Variants in ALDH1L2 observed in about 807,000 individuals in gnomAD.
The protein encoded by ALDH1L2 is mitochondrial 10-formyltetrahydrofolate dehydrogenase.
Under a neutral mutation model 111.0 loss-of-function variants are expected in ALDH1L2, and 91 were observed. That is an observed-to-expected ratio of 0.82 (90% CI 0.69 to 0.98). ALDH1L2 has a LOEUF of 0.98. ALDH1L2 is among the 50% of genes least tolerant of loss of function. ALDH1L2 has a pLI of 0.00. For missense variants in ALDH1L2, 995 were observed against 1,126.8 expected, an observed-to-expected ratio of 0.88 and a Z score of 1.67; for synonymous variants, 374 against 392.6, an observed-to-expected ratio of 0.95 and a Z score of 0.56.
chr12:105,071,642 A>ATT lies in ALDH1L2; in HGVS notation c.194-840_194-839dup. Among the ~76,000 whole-genome samples, 75 of 10,856 alleles carry ATT rather than the reference A, an allele frequency of 6.9e-3. 13 individuals are homozygous for ATT. Among genetic ancestry groups the ATT allele is most frequent in the East Asian group, 0.028 (7 of 252 alleles). 7.1% of individuals were successfully genotyped at this position (10,856 alleles called of 152,430 possible). A position where few individuals can be genotyped will look rare whatever the true frequency, so the allele number is the denominator to read the frequency against. On this transcript the variant is annotated intron_variant, in intron 2 of 22. Coordinates refer to ENST00000258494, the MANE Select transcript of ALDH1L2 (RefSeq NM_001034173.4). ...TATATATATATATATATATATATAT[A>ATT]TTTTTTTTTTTTTTTTTTTTTTTTT...
In ALDH1L2 at chr12:105,064,114, C is replaced by CTTTTTTTTTTTTTTTTTTTT. The variant is rs71069786; in HGVS notation, c.787-1112_787-1093dup. Among the ~76,000 whole-genome samples, 9 of 35,124 alleles carry CTTTTTTTTTTTTTTTTTTTT rather than the reference C, an allele frequency of 2.6e-4. 2 individuals carry two copies. Among genetic ancestry groups the CTTTTTTTTTTTTTTTTTTTT allele is most frequent in the African/African-American group, 4.3e-4 (4 of 9,290 alleles). 23.0% of individuals were successfully genotyped at this position (35,124 alleles called of 152,430 possible). A position where few individuals can be genotyped will look rare whatever the true frequency, so the allele number is the denominator to read the frequency against. ...TACAGGCACATGCCACCACACCGAG[C>CTTTTTTTTTTTTTTTTTTTT]TTTTTTTTTTTTTTTTTTTTTTTTT... On this transcript the variant is annotated intron_variant, in intron 6 of 22. Coordinates refer to ENST00000258494, the MANE Select transcript of ALDH1L2 (RefSeq NM_001034173.4).
intron 1 of ALDH1L2, among the ~76,000 whole-genome samples, chr12:105,075,846 T>C (rs1325255628): frequency 6.6e-6 from 1 of 152,108 alleles, no homozygotes; most frequent in Non-Finnish European, 1.5e-5. Context: ...AGTGAAGTGG[T>C]GCAATCTCGG....
intron 11 of ALDH1L2, 148 bp from the exon 12 acceptor site, chr12:105,052,365 G>T: frequency 1.3e-6 from 1 of 792,788 alleles, no homozygotes. Context: ...CTACAGTAAA[G>T]AAAAAGAACA....
intron 1 of ALDH1L2, among the ~76,000 whole-genome samples, chr12:105,081,948 C>T (rs1878354874): frequency 6.6e-6 from 1 of 152,218 alleles, no homozygotes; most frequent in Non-Finnish European, 1.5e-5. Context: ...AATCCCAACA[C>T]TTTAGGAGGC....
intron 5 of ALDH1L2, among the ~76,000 whole-genome samples, 186 bp downstream of exon 5, chr12:105,066,382 C>T (rs569293435): frequency 8.7e-4 from 133 of 152,178 alleles, no homozygotes; most frequent in Non-Finnish European, 9.9e-4. Context: ...AGACACGAGT[C>T]TTCCTAGACT....
Position 105,034,224 on chromosome 12 carries a change from A to T in ALDH1L2, c.2244+76T>A, listed in dbSNP as rs543369635. ...TGTTATCACACCTGAAAATTCATGAACAATCCTAGAAGTAGGATTTTTCAA... is the reference window on the plus strand; with the variant it reads ...TGTTATCACACCTGAAAATTCATGATCAATCCTAGAAGTAGGATTTTTCAA... On this transcript the variant is annotated intron_variant, in intron 19 of 22. Transcript: ENST00000258494. 79 of 1,402,032 alleles carry T rather than the reference A, an allele frequency of 5.6e-5. No individual in the cohort carries two copies. In the East Asian group the frequency reaches 1.7e-3, roughly 31 times the overall value. The allele number at this position is 1,402,032 out of a possible 1,614,324, so 86.8% of individuals were successfully genotyped here. A position where few individuals can be genotyped will look rare whatever the true frequency, so the allele number is the denominator to read the frequency against.
chr12:105,046,239 T>A (rs1459115342), intron 15 of ALDH1L2, among the ~76,000 whole-genome samples: 4 of 126,484 alleles, frequency 3.2e-5, no homozygotes, highest in African/African-American at 1.2e-4. Flanking sequence ...TTTTTTTTTT[T>A]TTTTTTTTTT....
At chr12:105,038,525 G>T (rs193162892) in intron 17 of ALDH1L2, among the ~76,000 whole-genome samples, 50 of 152,136 alleles carry the variant, frequency 3.3e-4, no homozygotes, top group African/African-American at 1.2e-3. Context: ...AAATTAGGTA[G>T]GTATGGTGGT....
chr12:105,067,004 G>A (rs751694619), intron 4 of ALDH1L2, among the ~76,000 whole-genome samples: 7 of 152,000 alleles, frequency 4.6e-5, no homozygotes, highest in Non-Finnish European at 7.4e-5. Flanking sequence ...CAAGGCAGGC[G>A]GATCACGAAG....
chr12:105,076,236 A>G (rs1412469604), intron 1 of ALDH1L2, among the ~76,000 whole-genome samples: 4 of 152,252 alleles, frequency 2.6e-5, no homozygotes, highest in Non-Finnish European at 5.9e-5. Flanking sequence ...ACTCAGAAGT[A>G]CATGGAAGTC....
Position 105,046,149 on chromosome 12 carries a change from TTCTCTCTCTC to T in ALDH1L2, c.1863+551_1863+560del, listed in dbSNP as rs541003101. ...ATGCTTTTCCCTCATCTTCTACATCTTCTCTCTCTCTCTCTCTCTCTCTCTCTCTCTCTCT... is the reference window on the plus strand; with the variant it reads ...ATGCTTTTCCCTCATCTTCTACATCTTCTCTCTCTCTCTCTCTCTCTCTCT... On this transcript the variant is annotated intron_variant, in intron 15 of 22. Transcript: ENST00000258494. Among the ~76,000 whole-genome samples the T allele has an allele frequency of 4.0e-3, 145 of 35,954 alleles. 1 individual carries two copies. The highest frequency in any genetic ancestry group is 0.014 in the African/African-American group (115 of 8,050). 23.6% of individuals were successfully genotyped at this position (35,954 alleles called of 152,430 possible). A position where few individuals can be genotyped will look rare whatever the true frequency, so the allele number is the denominator to read the frequency against.
At chr12:105,032,198 G>A (rs577080746) in intron 19 of ALDH1L2, among the ~76,000 whole-genome samples, 6 of 132,784 alleles carry the variant, frequency 4.5e-5, no homozygotes, top group African/African-American at 1.7e-4. Context: ...TTTTTTTTGA[G>A]GTGGAGTCTT....
At position 105,061,642 on chromosome 12, in the gene ALDH1L2, C is replaced by A; in HGVS notation, c.1032G>T (p.Val344=). Reference sequence around the variant, plus strand: ...ATGTGTTCACCTTGATGGTCTCTGCCACTTTCACCTCTTCAGCTGTCAGTT... The same window carrying A: ...ATGTGTTCACCTTGATGGTCTCTGCAACTTTCACCTCTTCAGCTGTCAGTT... ...VVELTAEEVK[V]AETIKVIWAG... Residue 344 remains valine (V), a synonymous_variant, in exon 8 of 23, where the codon GTG becomes GTT. Coordinates refer to ENST00000258494, the MANE Select transcript of ALDH1L2 (RefSeq NM_001034173.4). 1 of 1,614,122 alleles carries A rather than the reference C, an allele frequency of 6.2e-7. No individual in the cohort carries two copies. The highest frequency in any genetic ancestry group is 1.6e-4 in the Middle Eastern group (1 of 6,062).
intron 2 of ALDH1L2, among the ~76,000 whole-genome samples, chr12:105,072,768 G>C (rs1301450262): frequency 6.6e-6 from 1 of 152,228 alleles, no homozygotes; most frequent in Non-Finnish European, 1.5e-5. Flanking sequence ...GAGAGCAGGA[G>C]TTCAAGACCA....
Position 105,065,321 on chromosome 12 carries a change from G to A in ALDH1L2, c.732C>T (p.Asn244=), listed in dbSNP as rs138824203. 8.1e-6 allele frequency: 13 copies of A among 1,612,046 alleles called. No individual in the cohort carries two copies. The African/African-American group carries it at 1.6e-4, about 20-fold the overall frequency. Reference sequence around the variant, plus strand: ...GGACTTTATCATGACCTCGAATCCAGTTATGTAAAACTTCGGCAGACTGGT... The same window carrying A: ...GGACTTTATCATGACCTCGAATCCAATTATGTAAAACTTCGGCAGACTGGT... The part of the protein sequence containing the change: ...SWDQSAEVLH[N]WIRGHDKVPG... Residue 244 remains asparagine (N), a synonymous_variant, in exon 6 of 23, where the codon AAC becomes AAT. Coordinates refer to ENST00000258494, the MANE Select transcript of ALDH1L2 (RefSeq NM_001034173.4).
At position 105,073,946 on chromosome 12, in the gene ALDH1L2, T is replaced by A. The variant is rs757325908; in HGVS notation, c.108A>T (p.Glu36Asp). 7.4e-6 allele frequency: 12 copies of A among 1,614,220 alleles called. No individual in the cohort carries two copies. Among genetic ancestry groups the A allele is most frequent in the Non-Finnish European group, 1.0e-5 (12 of 1,180,036 alleles). The change falls in exon 2 of 23, where the codon GAA (glutamate) becomes GAT (aspartate). Residue 36 changes from glutamate to aspartate, a missense_variant. Physicochemically the swap from Glu to Asp is conservative, Grantham distance 45. Coordinates refer to ENST00000258494, the MANE Select transcript of ALDH1L2 (RefSeq NM_001034173.4). Reference sequence around the variant, plus strand: ...CCTCTTTGCGGAGGTGGCTATAGACTTCTTGTCCAAAGAGGCTCTGGCCAA... The same window carrying A: ...CCTCTTTGCGGAGGTGGCTATAGACATCTTGTCCAAAGAGGCTCTGGCCAA... Reference protein sequence around the residue: ...ALIGQSLFGQEVYSHLRKEGH... With the variant: ...ALIGQSLFGQDVYSHLRKEGH...
At chr12:105,055,574 G>A (rs1187771058) in intron 10 of ALDH1L2, among the ~76,000 whole-genome samples, 1 of 152,058 alleles carries the variant, frequency 6.6e-6, no homozygotes, top group Non-Finnish European at 1.5e-5. Context: ...AAAAAAAGCA[G>A]CTAATAGAAA....
At position 105,068,877 on chromosome 12, in the gene ALDH1L2, T is replaced by C. The variant is rs1336865917; in HGVS notation, c.436A>G (p.Ile146Val). 2.6e-6 allele frequency: 4 copies of C among 1,562,798 alleles called. No individual in the cohort carries two copies. Among genetic ancestry groups the C allele is most frequent in the Non-Finnish European group, 3.4e-6 (4 of 1,159,986 alleles). ...AACCCAGCTTTCTTATCTCCCATAA[T>C]TAGAGTCCTGTGAAAAGAAGAATTT... ...RGASAINWTL[I>V]MGDKKAGFSV... Residue 146 changes from isoleucine (I) to valine (V), a missense_variant, in exon 4 of 23, where the codon ATT (isoleucine) becomes GTT (valine). Transcript: ENST00000258494.
At position 105,073,957 on chromosome 12, in the gene ALDH1L2, A is replaced by C; in HGVS notation, c.97T>G (p.Phe33Val). ...LKLALIGQSL[F>V]GQEVYSHLRK... ...AGGTGGCTATAGACTTCTTGTCCAAAGAGGCTCTGGCCAATTAGTGCCAAC... is the reference window on the plus strand; with the variant it reads ...AGGTGGCTATAGACTTCTTGTCCAACGAGGCTCTGGCCAATTAGTGCCAAC... The change falls in exon 2 of 23, where the codon TTT becomes GTT. Residue 33 changes from phenylalanine (F) to valine (V), a missense_variant. Phe to Val is a conservative substitution (Grantham distance 50). Transcript: ENST00000258494. The C allele has an allele frequency of 6.2e-7, 1 of 1,614,184 alleles. No homozygotes were observed. The highest frequency in any genetic ancestry group is 8.5e-7 in the Non-Finnish European group (1 of 1,180,026).
Sources: gnomAD v4.1 joint callset for allele counts (sites outside exome capture counted in the v4.1 genomes callset) on GRCh38, gnomAD v4.1.1 for gene constraint, MANE v1.5 for transcripts, NCBI Gene and HGNC (gene_info 2026-07-23, HGNC 2026-07-21) for gene names.